The following GPR137 variants were observed in gnomAD, a reference collection of about 807,000 sequenced individuals.
GPR137 encodes the protein integral membrane protein GPR137.
In GPR137, 20 loss-of-function variants were observed where a neutral mutation model predicts 38.9. The observed-to-expected ratio is 0.51, with a 90% CI of 0.36 to 0.75. The LOEUF (loss-of-function observed/expected upper bound fraction) is 0.75, where lower values mean the gene tolerates loss of function less well. Ranked by LOEUF, GPR137 falls within the 30% of genes least tolerant of loss-of-function variation. The pLI is 0.00. For missense variants in GPR137, 456 were observed against 526.4 expected (o/e 0.87, Z 1.31); for synonymous variants, 226 against 235.8 (o/e 0.96, Z 0.38).
chr11:64,285,456 C>T (rs1004724299), upstream of GPR137: 12 of 983,782 alleles, frequency 1.2e-5, no homozygotes, highest in African/African-American at 2.1e-4. Context: ...GGTTCAGGCC[C>T]GGGGGCGGGG....
intron 2 of GPR137, among the ~76,000 whole-genome samples, chr11:64,277,541 G>T (rs541648104): frequency 6.6e-6 from 1 of 152,140 alleles, no homozygotes; most frequent in African/African-American, 2.4e-5. Flanking sequence ...AGGCGCAATC[G>T]ATCTTCCCAC....
upstream of GPR137, chr11:64,271,538 G>C: frequency 1.5e-6 from 2 of 1,335,712 alleles, no homozygotes; most frequent in African/African-American, 1.5e-5. Context: ...GGCGTGCCTT[G>C]GGACAAGGCA....
At position 64,287,949 on chromosome 11, in the gene GPR137, A is replaced by G. The variant is rs1168215057; in HGVS notation, c.633+3A>G. 6.2e-7 allele frequency: 1 copy of G among 1,601,280 alleles called. No homozygotes were observed. The highest frequency in any genetic ancestry group is 1.7e-5 in the Admixed American group (1 of 60,016). ...CTAGCATCTACCTGGAGGCCAAGGTAGGGCTGCAGCACTGATGCCCAGGTG... is the reference window on the plus strand; with the variant it reads ...CTAGCATCTACCTGGAGGCCAAGGTGGGGCTGCAGCACTGATGCCCAGGTG... On this transcript the variant is annotated splice_donor_region_variant and intron_variant, in intron 3 of 6. Transcript: ENST00000438980.
intron 2 of GPR137, chr11:64,287,328 G>A (rs561438428): frequency 8.5e-4 from 834 of 982,564 alleles, no homozygotes; most frequent in Non-Finnish European, 9.5e-4. Context: ...ACCTGGGGCC[G>A]CAATGCCCTC....
At chr11:64,272,298 G>A (rs568366195), upstream of GPR137, among the ~76,000 whole-genome samples, 3 of 151,270 alleles carry the variant, frequency 2.0e-5, no homozygotes, top group African/African-American at 4.8e-5. Flanking sequence ...CAGCCTGGGC[G>A]ACAGGCTTTT....
chr11:64,279,816 C>T, upstream of GPR137, among the ~76,000 whole-genome samples: 1 of 151,686 alleles, frequency 6.6e-6, no homozygotes, highest in East Asian at 1.9e-4. Context: ...AGGGTAGCCT[C>T]CAGATCCTCC....
At chr11:64,284,976 C>T (rs1462999555), upstream of GPR137, 6 of 1,357,672 alleles carry the variant, frequency 4.4e-6, no homozygotes, top group South Asian at 6.5e-5. Flanking sequence ...CCTTCAGCCC[C>T]TCTGGGCCTT....
upstream of GPR137, among the ~76,000 whole-genome samples, chr11:64,280,414 C>T (rs561062863): frequency 1.4e-4 from 18 of 125,118 alleles, no homozygotes; most frequent in Admixed American, 4.7e-4. Flanking sequence ...TGCAGTGGCA[C>T]CATCTCGGCT....
At chr11:64,271,730 C>A, upstream of GPR137, 1 of 1,448,788 alleles carries the variant, frequency 6.9e-7, no homozygotes, top group Non-Finnish European at 9.1e-7. Context: ...TGGGCTCCTC[C>A]CCCATCCCTT....
chr11:64,280,305 G>A (rs2135132095), upstream of GPR137, among the ~76,000 whole-genome samples: 1 of 139,476 alleles, frequency 7.2e-6, no homozygotes, highest in South Asian at 2.3e-4. Context: ...GGGCGACAGA[G>A]CAAGACTCCA....
rs191414676 is a variant in GPR137 at position 64,278,491 on chromosome 11, A to T, written c.-16+2070A>T. Among the ~76,000 whole-genome samples the T allele has an allele frequency of 1.5e-3, 227 of 152,142 alleles. 1 individual carries two copies. Among genetic ancestry groups the T allele is most frequent in the Admixed American group, 2.8e-3 (43 of 15,272 alleles). On this transcript the variant is annotated intron_variant, in intron 2 of 2. Coordinates refer to the GPR137 transcript ENST00000538244. ...TCTGCGCCAGGCACTGTTTCCAAGCACTTTTCCTATATTAACTCATCAGGT... is the reference window on the plus strand; with the variant it reads ...TCTGCGCCAGGCACTGTTTCCAAGCTCTTTTCCTATATTAACTCATCAGGT...
chr11:64,278,494 T>C (rs1267592245), intron 2 of GPR137, among the ~76,000 whole-genome samples: 1 of 151,956 alleles, frequency 6.6e-6, no homozygotes, highest in Non-Finnish European at 1.5e-5. Flanking sequence ...TCCAAGCACT[T>C]TTCCTATATT....
Position 64,289,471 on chromosome 11 carries a change from A to G in GPR137, c.*275A>G, listed in dbSNP as rs2034545731. 2 of 1,485,684 alleles carry G rather than the reference A, an allele frequency of 1.3e-6. No individual in the cohort carries two copies. Among genetic ancestry groups the G allele is most frequent in the East Asian group, 4.6e-5 (2 of 43,224 alleles). The allele number at this position is 1,485,684 out of a possible 1,614,324, so 92.0% of individuals were successfully genotyped here. A position where few individuals can be genotyped will look rare whatever the true frequency, so the allele number is the denominator to read the frequency against. On this transcript the variant is annotated 3_prime_UTR_variant, in exon 7 of 7. Coordinates refer to ENST00000438980, the MANE Select transcript of GPR137 (RefSeq NM_001170880.2). ...GCTACCTCTCCTGTGCCTGCCACTC[A>G]ATAAACAGTGTCTGCGCCCCACAGT...
chr11:64,284,845 C>G (rs1317450635), upstream of GPR137: 4 of 1,505,948 alleles, frequency 2.7e-6, no homozygotes, highest in East Asian at 9.9e-5. Flanking sequence ...CCTTTTTCCT[C>G]CCTCCTTCGG....
At chr11:64,284,803 C>T (rs1359179034), upstream of GPR137, 7 of 1,529,146 alleles carry the variant, frequency 4.6e-6, no homozygotes, top group South Asian at 8.4e-5. Context: ...CGGCCCCGCC[C>T]CCCCGCCGGA....
At chr11:64,287,282 C>T in intron 2 of GPR137, 1 of 985,356 alleles carries the variant, frequency 1.0e-6, no homozygotes, top group Non-Finnish European at 1.2e-6. Flanking sequence ...AGGCTCCAGC[C>T]CATGGAAGCA....
At chr11:64,285,313 G>C (rs2033828471), upstream of GPR137, 1 of 985,820 alleles carries the variant, frequency 1.0e-6, no homozygotes, top group Non-Finnish European at 1.2e-6. Flanking sequence ...CGGGAGGAGG[G>C]CCGGGGACCC....
chr11:64,279,149 C>T (rs1164432846), intron 2 of GPR137, among the ~76,000 whole-genome samples: 10 of 152,250 alleles, frequency 6.6e-5, no homozygotes, highest in African/African-American at 2.4e-4. Flanking sequence ...TCTTGTCCCA[C>T]TCTCCCCTCA....
chr11:64,284,106 G>A (rs529674254), upstream of GPR137: 121 of 1,479,700 alleles, frequency 8.2e-5, no homozygotes, highest in Non-Finnish European at 1.8e-5. Context: ...CAGTGCCTGT[G>A]GATGCAACTG....
Sources: allele counts gnomAD v4.1 joint callset (sites outside exome capture counted in the v4.1 genomes callset), GRCh38; gene constraint gnomAD v4.1.1; transcripts MANE v1.5; gene names NCBI Gene and HGNC (gene_info 2026-07-23, HGNC 2026-07-21).